C16orf89: variants seen among roughly 807,000 people sequenced by gnomAD.
The protein encoded by C16orf89 is UPF0764 protein C16orf89.
A neutral mutation model predicts 41.5 loss-of-function variants in C16orf89; 57 were observed. That is an observed-to-expected ratio of 1.38 (90% CI 1.11 to 1.71). The LOEUF is 1.71. Among genes scored for constraint, C16orf89 ranks in the 40% most tolerant of loss-of-function variants. The pLI is 0.00. For missense variants in C16orf89, 575 were observed against 445.9 expected, an observed-to-expected ratio of 1.29 and a Z score of -2.61; for synonymous variants, 223 against 190.6, an observed-to-expected ratio of 1.17 and a Z score of -1.40.
chr16:5,052,978 A>G (rs1274885152), intron 6 of C16orf89, among the ~76,000 whole-genome samples: 1 of 152,238 alleles, frequency 6.6e-6, no homozygotes. Context: ...TCATAGCAAC[A>G]TCGATGAACT....
intron 2 of C16orf89, 70 bp from the exon 3 acceptor site, chr16:5,060,506 C>G: frequency 6.8e-7 from 1 of 1,463,704 alleles, no homozygotes; most frequent in Non-Finnish European, 9.3e-7. Context: ...ACCCTGGTGT[C>G]CCCACCTCCT....
intron 4 of C16orf89, among the ~76,000 whole-genome samples, chr16:5,058,194 C>G (rs1304633008): frequency 2.6e-5 from 4 of 151,874 alleles, no homozygotes; most frequent in Admixed American, 2.0e-4. Flanking sequence ...GTGGCGCAAT[C>G]TTACTCACTG....
rs1379391638 is a variant in C16orf89 at position 5,057,232 on chromosome 16, A to G, written c.628-1044T>C. Among the ~76,000 whole-genome samples the G allele has an allele frequency of 1.0e-3, 149 of 146,510 alleles. 3 individuals are homozygous for G. In the East Asian group the frequency reaches 0.022, roughly 22 times the overall value. On this transcript the variant is annotated intron_variant, in intron 4 of 7. Coordinates refer to ENST00000472572, the MANE Select transcript of C16orf89 (RefSeq NM_001098514.3). ...AGCCTGGGCAACAGAGTGAGACTCCATCTCAAAAAAAAAAAAAGAAGGAAA... is the reference window on the plus strand; with the variant it reads ...AGCCTGGGCAACAGAGTGAGACTCCGTCTCAAAAAAAAAAAAAGAAGGAAA...
intron 7 of C16orf89, chr16:5,044,877 C>A: frequency 4.0e-6 from 5 of 1,255,782 alleles, no homozygotes; most frequent in Non-Finnish European, 5.1e-6. Flanking sequence ...GATGTCATTC[C>A]AGGCAACTTG....
In C16orf89 at chr16:5,060,269, G is replaced by A; in HGVS notation, c.509+17C>T. ...TGCGTTTGGGTTTCCAGCAAATAGG[G>A]CAAGTGCAGGGCCCACCCGGTTCCC... On this transcript the variant is annotated intron_variant, in intron 3 of 7. Coordinates refer to ENST00000472572, the MANE Select transcript of C16orf89 (RefSeq NM_001098514.3). 1.3e-6 allele frequency: 2 copies of A among 1,590,724 alleles called. No homozygotes were observed. Among genetic ancestry groups the A allele is most frequent in the East Asian group, 2.3e-5 (1 of 44,040 alleles).
Position 5,055,284 on chromosome 16 carries a change from C to A in C16orf89, c.830G>T (p.Ser277Ile). The A allele has an allele frequency of 6.2e-7, 1 of 1,613,524 alleles. No homozygotes were observed. The highest frequency in any genetic ancestry group is 1.1e-5 in the South Asian group (1 of 90,982). ...YKLRWLEAIL[S>I]WQKQQEGCFG... is the part of the protein sequence containing the mutation. ...GCATCCTTCCTGCTGTTTCTGCCAG[C>A]TGAGAATGGCCTCCAGCCACCGGAG... The change falls in exon 6 of 8, where the codon AGC becomes ATC. Residue 277 changes from serine (S) to isoleucine (I), a missense_variant. Ser to Ile is a moderately radical substitution (Grantham distance 142, BLOSUM62 -2). Coordinates refer to ENST00000472572, the MANE Select transcript of C16orf89 (RefSeq NM_001098514.3).
chr16:5,065,405 C>T (rs529078830), intron 1 of C16orf89, among the ~76,000 whole-genome samples: 17 of 152,292 alleles, frequency 1.1e-4, no homozygotes, highest in African/African-American at 3.4e-4. Flanking sequence ...TCCCCTTGTT[C>T]GTGGCGTTGT....
At chr16:5,050,141 G>T (rs1474259326) in intron 6 of C16orf89, among the ~76,000 whole-genome samples, 1 of 152,120 alleles carries the variant, frequency 6.6e-6, no homozygotes, top group East Asian at 1.9e-4. Flanking sequence ...GCCAAGGTGG[G>T]CAGATCACTT....
Position 5,062,561 on chromosome 16 carries a change from A to G in C16orf89, c.222T>C (p.Ser74=), listed in dbSNP as rs1473845095. 9 of 1,610,064 alleles carry G rather than the reference A, an allele frequency of 5.6e-6. No homozygotes were observed. Among genetic ancestry groups the G allele is most frequent in the African/African-American group, 2.7e-5 (2 of 74,794 alleles). The change falls in exon 2 of 8, where the codon AGT becomes AGC. Residue 74 remains serine, a synonymous_variant. Transcript: ENST00000472572. ...GCTCCTGGGCCCACTTCTCCCGGAC[A>G]CTTTTTAGCTGCTCTGGAAGGGAAC... ...GVRVLEEQLK[S]VREKWAQEPL...
At chr16:5,044,872 C>A in intron 7 of C16orf89, 5 of 1,255,978 alleles carry the variant, frequency 4.0e-6, no homozygotes, top group East Asian at 5.9e-5. Context: ...TTTCAGATGT[C>A]ATTCCAGGCA....
intron 4 of C16orf89, among the ~76,000 whole-genome samples, chr16:5,056,606 G>C (rs180762334): frequency 2.7e-4 from 41 of 152,186 alleles, no homozygotes; most frequent in Admixed American, 1.3e-3. Flanking sequence ...GCCTGAACCC[G>C]CGGGCAGCTT....
rs754662565 is a variant in C16orf89 at position 5,044,472 on chromosome 16, C to T, written c.962G>A (p.Cys321Tyr). 1.2e-5 allele frequency: 20 copies of T among 1,612,206 alleles called. No individual in the cohort carries two copies. Among genetic ancestry groups the T allele is most frequent in the African/African-American group, 2.7e-5 (2 of 74,824 alleles). Residue 321 changes from cysteine to tyrosine, a missense_variant, in exon 8 of 8, where the codon TGC becomes TAC. Physicochemically the swap from Cys to Tyr is radical, Grantham distance 194. Coordinates refer to ENST00000472572, the MANE Select transcript of C16orf89 (RefSeq NM_001098514.3). ...TGCTGTGGCTGTGTTGTGGGAGGAG[C>T]AGCCATCTAGGGGAGAGAGCCCCCA... ...KRREKQFPDG[C>Y]SSHNTATAVA...
At chr16:5,048,419 G>T (rs1428975368) in intron 6 of C16orf89, among the ~76,000 whole-genome samples, 1 of 152,142 alleles carries the variant, frequency 6.6e-6, no homozygotes, top group African/African-American at 2.4e-5. Flanking sequence ...GAAACTTGAG[G>T]CTATTCCGGA....
intron 4 of C16orf89, among the ~76,000 whole-genome samples, chr16:5,057,572 C>A (rs1333973961): frequency 6.7e-6 from 1 of 150,244 alleles, no homozygotes; most frequent in African/African-American, 2.4e-5. Flanking sequence ...TATATAGTGG[C>A]ATATATAATG....
chr16:5,047,531 G>A (rs1332166172), intron 7 of C16orf89, among the ~76,000 whole-genome samples: 1 of 150,508 alleles, frequency 6.6e-6, no homozygotes, highest in Non-Finnish European at 1.5e-5. Flanking sequence ...GCAGTGGTGC[G>A]ATCTCAGCTC....
At chr16:5,045,379 G>A (rs1329416942) in intron 7 of C16orf89, among the ~76,000 whole-genome samples, 2 of 152,188 alleles carry the variant, frequency 1.3e-5, no homozygotes, top group East Asian at 3.9e-4. Flanking sequence ...TCTCAGGCCT[G>A]AGCACTTGCC....
chr16:5,055,929 T>A, intron 5 of C16orf89, 124 bp downstream of exon 5: 1 of 1,291,686 alleles, frequency 7.7e-7, no homozygotes, highest in Non-Finnish European at 1.1e-6. Flanking sequence ...TTGCTTAATC[T>A]GGCAACTCCG....
rs549637180 is a variant in C16orf89 at position 5,062,204 on chromosome 16, C to T, written c.358+221G>A. On this transcript the variant is annotated intron_variant, in intron 2 of 7. Coordinates refer to ENST00000472572, the MANE Select transcript of C16orf89 (RefSeq NM_001098514.3). ...CTTGAGAGAAGACACCCTGCTTCCTCTGCACACCTCTGTGTGGGTAGGAGA... is the reference window on the plus strand; with the variant it reads ...CTTGAGAGAAGACACCCTGCTTCCTTTGCACACCTCTGTGTGGGTAGGAGA... 1.6e-4 allele frequency among the ~76,000 whole-genome samples: 25 copies of T among 152,334 alleles called. No individual in the cohort carries two copies. In the South Asian group the frequency reaches 3.3e-3, roughly 20 times the overall value.
chr16:5,060,522 A>G, intron 2 of C16orf89, 86 bp from the exon 3 acceptor site: 3 of 1,384,460 alleles, frequency 2.2e-6, no homozygotes, highest in Non-Finnish European at 2.9e-6. Flanking sequence ...CTCCTCCTGC[A>G]GCCCTGCCCA....
Sources: allele counts gnomAD v4.1 joint callset (sites outside exome capture counted in the v4.1 genomes callset), GRCh38; gene constraint gnomAD v4.1.1; transcripts MANE v1.5; gene names NCBI Gene and HGNC (gene_info 2026-07-23, HGNC 2026-07-21).